CLIP4: variants seen among roughly 807,000 people sequenced by gnomAD.
CLIP4 encodes CAP-Gly domain-containing linker protein 4.
CLIP4 carries 47 observed loss-of-function variants against 73.1 expected under a neutral mutation model. The ratio of observed to expected loss-of-function variants is 0.64; its 90% confidence interval spans 0.51 to 0.82. The LOEUF is 0.82. Ranked by LOEUF, CLIP4 falls within the 40% of genes least tolerant of loss-of-function variation. The probability of loss-of-function intolerance (pLI) is 0.00; values close to 1 mark genes in which losing one functional copy is unlikely to be tolerated. For synonymous variants in CLIP4, 306 were observed against 295.4 expected (o/e 1.04, Z -0.37); for missense variants, 874 against 852.9 (o/e 1.02, Z -0.31).
chr2:29,131,086 T>A (rs1664938149), intron 2 of CLIP4, among the ~76,000 whole-genome samples, 172 bp from the exon 3 acceptor site: 1 of 152,170 alleles, frequency 6.6e-6, no homozygotes, highest in Non-Finnish European at 1.5e-5. Context: ...TTTAAAGTAT[T>A]TAGTAAGTGC....
At chr2:29,106,147 T>A (rs1448591095) in intron 1 of CLIP4, among the ~76,000 whole-genome samples, 1 of 152,106 alleles carries the variant, frequency 6.6e-6, no homozygotes, top group African/African-American at 2.4e-5. Flanking sequence ...TGATCTTGGA[T>A]AAGTTACTTA....
rs1263255994 is a variant in CLIP4, at chr2:29,134,604, AG to A, written c.529+789del. Among the ~76,000 whole-genome samples the A allele has an allele frequency of 4.2e-5, 3 of 70,952 alleles. No individual in the cohort carries two copies. In the East Asian group the frequency reaches 5.6e-3, roughly 131 times the overall value. 46.5% of individuals were successfully genotyped at this position (70,952 alleles called of 152,430 possible). On this transcript the variant is annotated intron_variant, in intron 5 of 15. Transcript: ENST00000320081. The stretch of plus-strand genomic sequence containing the variant: ...ACACTACTGTGTCTTTAATAATTCA[AG>A]AGAGTTTGTCGAGTATTTCTGGGTG...
At chr2:29,161,913 G>A (rs890205160) in intron 12 of CLIP4, among the ~76,000 whole-genome samples, 1 of 152,178 alleles carries the variant, frequency 6.6e-6, no homozygotes, top group Admixed American at 6.5e-5. Flanking sequence ...ATAGGCGACT[G>A]TCTCCCAACA....
intron 9 of CLIP4, among the ~76,000 whole-genome samples, chr2:29,155,828 G>C (rs1012960833): frequency 6.6e-6 from 1 of 152,110 alleles, no homozygotes; most frequent in Non-Finnish European, 1.5e-5. Flanking sequence ...ACTAGACTCT[G>C]TTCATGCCAG....
At chr2:29,179,760 A>G (rs193146500) in intron 15 of CLIP4, among the ~76,000 whole-genome samples, 74 of 152,320 alleles carry the variant, frequency 4.9e-4, no homozygotes, top group Non-Finnish European at 5.0e-4. Flanking sequence ...CTCTTTAGTA[A>G]CAGAGCTCTT....
chr2:29,181,894 G>A lies in CLIP4; in HGVS notation c.*1G>A, dbSNP rs760750946. 1 of 1,591,242 alleles carries A rather than the reference G, an allele frequency of 6.3e-7. No homozygotes were observed. The highest frequency in any genetic ancestry group is 1.1e-5 in the South Asian group (1 of 88,546). ...AAAACTTGTGGATGAGAATTGTTAA[G>A]CTTCTAAAATATTAAATAAGCTCAA... is the stretch of plus-strand genomic sequence containing the variant. On this transcript the variant is annotated 3_prime_UTR_variant, in exon 16 of 16. Transcript: ENST00000320081.
rs575077713 is a variant in CLIP4 at position 29,139,571 on chromosome 2, C to T, written c.648+3905C>T. ...GGTAGGATTGTTATCAGCTCCTCCT[C>T]GTATGTTTGGTAGAATTTGGCTGTG... On this transcript the variant is annotated intron_variant, in intron 6 of 15. Transcript: ENST00000320081. 5.3e-4 allele frequency among the ~76,000 whole-genome samples: 80 copies of T among 152,106 alleles called. 1 individual carries two copies. The South Asian group carries it at 0.016, about 30-fold the overall frequency.
intron 6 of CLIP4, among the ~76,000 whole-genome samples, chr2:29,136,514 G>GC (rs1665373770): frequency 6.6e-6 from 1 of 151,954 alleles, no homozygotes; most frequent in African/African-American, 2.4e-5. Flanking sequence ...TAAAGCCCTT[G>GC]CCCTCAAAAA....
At chr2:29,123,324 A>G (rs1367656146) in intron 2 of CLIP4, among the ~76,000 whole-genome samples, 2 of 152,194 alleles carry the variant, frequency 1.3e-5, no homozygotes, top group Non-Finnish European at 2.9e-5. Context: ...TTGAGCAAGT[A>G]TTTATTGAGG....
chr2:29,172,128 G>T (rs147327472), intron 14 of CLIP4, among the ~76,000 whole-genome samples: 1,683 of 149,964 alleles, frequency 0.011, 34 homozygotes, highest in African/African-American at 0.04. Flanking sequence ...AAAATCTAAA[G>T]TTAATGATTT....
chr2:29,173,034 ATC>A (rs1668110882), intron 14 of CLIP4, among the ~76,000 whole-genome samples: 1 of 152,114 alleles, frequency 6.6e-6, no homozygotes, highest in African/African-American at 2.4e-5. Context: ...TGATTCTGCC[ATC>A]TGTTTCTGTT....
rs1380414480 is a variant in CLIP4, at chr2:29,152,835, C to G, written c.1165+7C>G. The G allele has an allele frequency of 1.9e-6, 3 of 1,611,018 alleles. No homozygotes were observed. The highest frequency in any genetic ancestry group is 2.5e-6 in the Non-Finnish European group (3 of 1,179,126). On this transcript the variant is annotated splice_region_variant and intron_variant, in intron 9 of 15. Transcript: ENST00000320081. ...ACGTCAAAAGTAAATACTGGTAGGT[C>G]AAACCAGAAAGTTAACCATCTGCTT... is the stretch of plus-strand genomic sequence containing the variant.
chr2:29,132,064 T>A, intron 3 of CLIP4, 88 bp from the exon 4 acceptor site: 1 of 878,482 alleles, frequency 1.1e-6, no homozygotes, highest in South Asian at 1.5e-5. Context: ...TCAGATACGA[T>A]AGACTAACTT....
intron 13 of CLIP4, among the ~76,000 whole-genome samples, chr2:29,165,900 T>A (rs1046304507): frequency 3.3e-5 from 5 of 152,092 alleles, no homozygotes; most frequent in African/African-American, 1.2e-4. Flanking sequence ...GAGCACACGT[T>A]TTTTACTTTT....
chr2:29,159,583 A>G (rs1363070366), intron 11 of CLIP4, among the ~76,000 whole-genome samples: 1 of 151,218 alleles, frequency 6.6e-6, no homozygotes, highest in Non-Finnish European at 1.5e-5. Context: ...ACAGTGGCTC[A>G]TGCCTGTTAT....
At chr2:29,128,185 GTGT>G (rs1326754885) in intron 2 of CLIP4, among the ~76,000 whole-genome samples, 3 of 110,146 alleles carry the variant, frequency 2.7e-5, no homozygotes, top group African/African-American at 1.2e-4. Context: ...TTTAATGTCT[GTGT>G]TTTTTTTTTT....
At chr2:29,172,177 G>C (rs1668053390) in intron 14 of CLIP4, among the ~76,000 whole-genome samples, 1 of 151,636 alleles carries the variant, frequency 6.6e-6, no homozygotes, top group Non-Finnish European at 1.5e-5. Flanking sequence ...TAGAAACTGA[G>C]TTGTCCAGTC....
intron 4 of CLIP4, 36 bp downstream of exon 4, chr2:29,132,281 A>G (rs780711521): frequency 7.3e-6 from 11 of 1,499,048 alleles, no homozygotes; most frequent in Admixed American, 5.0e-5. Flanking sequence ...TGCTTATGTC[A>G]TCTGCACTTG....
chr2:29,142,813 CTA>C (rs1241611077), intron 6 of CLIP4, among the ~76,000 whole-genome samples: 4 of 152,116 alleles, frequency 2.6e-5, no homozygotes, highest in Non-Finnish European at 5.9e-5. Flanking sequence ...AGATTACAAT[CTA>C]AATTATTTCT....
Sources: gnomAD v4.1 joint callset for allele counts (sites outside exome capture counted in the v4.1 genomes callset) on GRCh38, gnomAD v4.1.1 for gene constraint, MANE v1.5 for transcripts, NCBI Gene and HGNC (gene_info 2026-07-23, HGNC 2026-07-21) for gene names.